Variants in ROR1 observed in about 807,000 individuals in gnomAD.
The protein encoded by ROR1 is ROR family WNT receptor 1, also known as inactive tyrosine-protein kinase transmembrane receptor ROR1.
ROR1 carries 19 observed loss-of-function variants against 78.8 expected under a neutral mutation model. That is an observed-to-expected ratio of 0.24 (90% confidence interval 0.17 to 0.35). The LOEUF is 0.35. Ranked by LOEUF, ROR1 falls within the 10% of genes least tolerant of loss-of-function variation. The probability of loss-of-function intolerance (pLI) is 1.00; values close to 1 mark genes in which losing one functional copy is unlikely to be tolerated. For missense variants in ROR1, 917 were observed against 1,177.8 expected, an observed-to-expected ratio of 0.78 and a Z score of 3.24; for synonymous variants, 386 against 433.6, an observed-to-expected ratio of 0.89 and a Z score of 1.36.
intron 5 of ROR1, among the ~76,000 whole-genome samples, chr1:64,137,808 C>T (rs1326931997): frequency 2.6e-5 from 4 of 152,108 alleles, no homozygotes; most frequent in Non-Finnish European, 5.9e-5. Flanking sequence ...TGTAAATAAG[C>T]CAGGTACGTC....
chr1:64,064,561 C>G (rs899843780), intron 4 of ROR1, among the ~76,000 whole-genome samples: 1 of 152,226 alleles, frequency 6.6e-6, no homozygotes, highest in Non-Finnish European at 1.5e-5. Context: ...AGCAACAGCA[C>G]TCATACCCCA....
At chr1:64,162,515 C>T (rs1389118479) in intron 8 of ROR1, among the ~76,000 whole-genome samples, 4 of 152,210 alleles carry the variant, frequency 2.6e-5, no homozygotes, top group Non-Finnish European at 5.9e-5. Context: ...GGCACCTTAA[C>T]GCCGAACAAT....
intron 1 of ROR1, among the ~76,000 whole-genome samples, chr1:63,916,869 TA>T (rs988937944): frequency 1.3e-5 from 2 of 152,164 alleles, no homozygotes; most frequent in Non-Finnish European, 2.9e-5. Flanking sequence ...ATTTCTCCTA[TA>T]AAGCCCTGGC....
chr1:63,871,731 T>C (rs1645252393), intron 1 of ROR1, among the ~76,000 whole-genome samples: 1 of 152,224 alleles, frequency 6.6e-6, no homozygotes, highest in African/African-American at 2.4e-5. Flanking sequence ...AAGGTCTCTG[T>C]AGACTTAACA....
intron 1 of ROR1, among the ~76,000 whole-genome samples, chr1:63,941,047 A>G (rs1177548621): frequency 6.6e-6 from 1 of 152,190 alleles, no homozygotes; most frequent in Non-Finnish European, 1.5e-5. Flanking sequence ...GGCCAATGTC[A>G]TGAAAAGCAA....
At chr1:63,942,201 A>G (rs1345035514) in intron 1 of ROR1, among the ~76,000 whole-genome samples, 1 of 152,284 alleles carries the variant, frequency 6.6e-6, no homozygotes, top group Admixed American at 6.5e-5. Context: ...CTGACCTAGA[A>G]TCTTCACTCT....
intron 1 of ROR1, among the ~76,000 whole-genome samples, chr1:63,802,273 C>T (rs890663632): frequency 1.3e-5 from 2 of 152,138 alleles, no homozygotes; most frequent in Non-Finnish European, 2.9e-5. Context: ...TAGTGCATGG[C>T]TTGTCCAGGA....
chr1:64,160,675 G>C (rs1649912010), intron 8 of ROR1, among the ~76,000 whole-genome samples: 4 of 152,136 alleles, frequency 2.6e-5, no homozygotes, highest in Non-Finnish European at 4.4e-5. Flanking sequence ...AAATGGATGG[G>C]GGTTAATATT....
At chr1:63,910,453 G>C (rs964223669) in intron 1 of ROR1, among the ~76,000 whole-genome samples, 1 of 152,130 alleles carries the variant, frequency 6.6e-6, no homozygotes, top group Non-Finnish European at 1.5e-5. Context: ...AAGGAAGGCT[G>C]TGTCCAGGGC....
At chr1:63,897,542 C>T (rs1263739447) in intron 1 of ROR1, among the ~76,000 whole-genome samples, 1 of 152,134 alleles carries the variant, frequency 6.6e-6, no homozygotes, top group Non-Finnish European at 1.5e-5. Context: ...TTCTCGGTTC[C>T]TTCTTTCTTT....
chr1:64,178,196 C>G lies in ROR1; in HGVS notation c.2155C>G (p.Pro719Ala), dbSNP rs766175435. ...QLLPCSEDCP[P>A]RMYSLMTECW... is the part of the protein sequence containing the mutation. ...CTTACCATGCTCTGAAGACTGCCCA[C>G]CCAGAATGTACAGCCTCATGACAGA... Residue 719 changes from proline to alanine, a missense_variant, in exon 9 of 9, where the codon CCC (proline) becomes GCC (alanine). By Grantham distance (27) the Pro-to-Ala change is conservative. This residue lies in a region of ROR1 where 835 missense variants were observed against 1,069.8 expected (regional missense o/e 0.78). Coordinates refer to ENST00000371079, the MANE Select transcript of ROR1 (RefSeq NM_005012.4). This position sits in a 1 kb window ranked among gnomAD's most constrained non-coding sequence, Gnocchi z 4.3. 7.4e-6 allele frequency: 12 copies of G among 1,613,994 alleles called. No individual in the cohort carries two copies. The highest frequency in any genetic ancestry group is 9.3e-6 in the Non-Finnish European group (11 of 1,180,038).
intron 1 of ROR1, among the ~76,000 whole-genome samples, chr1:64,008,879 T>A (rs958577973): frequency 6.6e-6 from 1 of 152,066 alleles, no homozygotes; most frequent in South Asian, 2.1e-4. Context: ...GTGATCCACC[T>A]GCCTCGGCCT....
intron 1 of ROR1, among the ~76,000 whole-genome samples, chr1:63,942,612 C>T (rs571784612): frequency 5.9e-5 from 9 of 152,160 alleles, no homozygotes; most frequent in Admixed American, 2.6e-4. Flanking sequence ...TAGAAAAAGG[C>T]GGTTCCTTTT....
At position 64,178,882 on chromosome 1, in the gene ROR1, T is replaced by C. The variant is rs1650472077; in HGVS notation, c.*27T>C. On this transcript the variant is annotated 3_prime_UTR_variant, in exon 9 of 9. Transcript: ENST00000371079. The surrounding 1 kb of genome is among the most constrained non-coding windows in gnomAD (Gnocchi z 4.3). Reference sequence around the variant, plus strand: ...ATGCACAACTTTTGTAAATGTGGTATACAGGACAAACTAGACGGCCGTAGA... The same window carrying C: ...ATGCACAACTTTTGTAAATGTGGTACACAGGACAAACTAGACGGCCGTAGA... 6.5e-7 allele frequency: 1 copy of C among 1,545,504 alleles called. No homozygotes were observed. The highest frequency in any genetic ancestry group is 8.9e-7 in the Non-Finnish European group (1 of 1,126,698).
chr1:63,794,445 C>T (rs1032871985), intron 1 of ROR1, among the ~76,000 whole-genome samples: 9 of 152,160 alleles, frequency 5.9e-5, no homozygotes, highest in African/African-American at 2.2e-4. Flanking sequence ...AGTCTGGCAT[C>T]GAAACTGGCT....
chr1:63,797,927 T>C (rs1644771588), intron 1 of ROR1, among the ~76,000 whole-genome samples: 1 of 152,058 alleles, frequency 6.6e-6, no homozygotes, highest in South Asian at 2.1e-4. Context: ...CAAATTCCTT[T>C]TCACTAAATA....
At chr1:63,943,946 A>G (rs1645862527) in intron 1 of ROR1, among the ~76,000 whole-genome samples, 1 of 152,168 alleles carries the variant, frequency 6.6e-6, no homozygotes, top group Non-Finnish European at 1.5e-5. Context: ...ACATACACAC[A>G]CATACACAAC....
rs953738373 is a variant in ROR1 at position 63,953,861 on chromosome 1, G to A, written c.92-55444G>A. Among the ~76,000 whole-genome samples the A allele has an allele frequency of 1.2e-4, 18 of 152,082 alleles. 1 individual carries two copies. The highest frequency in any genetic ancestry group is 9.8e-4 in the Admixed American group (15 of 15,262). On this transcript the variant is annotated intron_variant, in intron 1 of 8. Transcript: ENST00000371079. ...ATGATAATGTGAAGATAATATGAAG[G>A]TCTTCAGCAGAGAAAATGTGGAACT...
chr1:63,979,078 G>A (rs536954268), intron 1 of ROR1, among the ~76,000 whole-genome samples: 12 of 152,260 alleles, frequency 7.9e-5, no homozygotes, highest in East Asian at 5.8e-4. Context: ...CCACATTATG[G>A]AGGGCAATCT....
Sources: allele counts gnomAD v4.1 joint callset (sites outside exome capture counted in the v4.1 genomes callset), GRCh38; gene constraint gnomAD v4.1.1; regional missense constraint gnomAD v4.1.1; non-coding constraint Gnocchi (gnomAD v3.1); transcripts MANE v1.5; gene names NCBI Gene and HGNC (gene_info 2026-07-23, HGNC 2026-07-21).